The following BPIFB4 variants were observed in gnomAD, a reference collection of about 807,000 sequenced individuals.
BPIFB4 encodes the protein BPI fold containing family B member 4, also known as BPI fold-containing family B member 4.
In BPIFB4, 62 loss-of-function variants were observed where a neutral mutation model predicts 69.2. The observed-to-expected ratio is 0.90, with a 90% CI of 0.73 to 1.11. The LOEUF (loss-of-function observed/expected upper bound fraction) is 1.11, where lower values mean the gene tolerates loss of function less well. Among genes scored for constraint, BPIFB4 ranks in the 50% least tolerant of loss-of-function variants. The pLI, the probability that BPIFB4 is intolerant of heterozygous loss-of-function variation, is 0.00. For missense variants in BPIFB4, 789 were observed against 792.0 expected (o/e 1.00, Z 0.04); for synonymous variants, 330 against 332.7 (o/e 0.99, Z 0.09).
Position 33,092,437 on chromosome 20 carries a change from CT to C in BPIFB4, c.1144-18del. ...TCCATCTTCTCCCTCCCTGTGACCC[CT>C]TTCTTCTCTTCTCCCCCAGACGCTG... is the stretch of plus-strand genomic sequence containing the variant. On this transcript the variant is annotated intron_variant, in intron 10 of 17. Transcript: ENST00000375483. 1 of 1,600,292 alleles carries C rather than the reference CT, an allele frequency of 6.2e-7. No homozygotes were observed. Among genetic ancestry groups the C allele is most frequent in the Non-Finnish European group, 8.6e-7 (1 of 1,168,878 alleles).
intron 10 of BPIFB4, among the ~76,000 whole-genome samples, chr20:33,091,142 G>T (rs1468213082): frequency 6.6e-6 from 1 of 152,198 alleles, no homozygotes; most frequent in Non-Finnish European, 1.5e-5. Context: ...TGTGGACCTG[G>T]GGTCTGAACC....
chr20:33,103,633 C>A (rs971371904), intron 15 of BPIFB4, among the ~76,000 whole-genome samples: 26 of 141,446 alleles, frequency 1.8e-4, no homozygotes, highest in African/African-American at 6.5e-4. Flanking sequence ...CACCCCCCCA[C>A]CTCCGCTTTT....
In BPIFB4 at chr20:33,095,139, G is replaced by A. The variant is rs1371177532; in HGVS notation, c.1384G>A (p.Ala462Thr). 1.4e-5 allele frequency: 22 copies of A among 1,612,010 alleles called. No homozygotes were observed. The highest frequency in any genetic ancestry group is 8.8e-5 in the South Asian group (8 of 91,050). Residue 462 changes from alanine to threonine, a missense_variant, in exon 12 of 18, where the codon GCC becomes ACC. Transcript: ENST00000375483. ...TCCACTTACCACAGCCACACTGGGA[G>A]CCCTGATCCCCAAGGTATGTAAGGT... ...LPPLTTATLG[A>T]LIPKVFQQYP...
At chr20:33,092,787 C>A in intron 11 of BPIFB4, 129 bp downstream of exon 11, 2 of 841,792 alleles carry the variant, frequency 2.4e-6, no homozygotes, top group Non-Finnish European at 3.8e-6. Context: ...CCTTGACTCA[C>A]CTCCAGCTCA....
intron 3 of BPIFB4, among the ~76,000 whole-genome samples, chr20:33,082,436 C>A (rs182552709): frequency 1.3e-5 from 2 of 152,136 alleles, no homozygotes; most frequent in South Asian, 2.1e-4. Context: ...CCGTTTCAAG[C>A]GATTCTCCTG....
At chr20:33,105,479 G>A (rs1252055503) in intron 16 of BPIFB4, among the ~76,000 whole-genome samples, 2 of 152,180 alleles carry the variant, frequency 1.3e-5, no homozygotes, top group Admixed American at 1.3e-4. Flanking sequence ...AGAGTAGACT[G>A]AGCTTGCTTT....
chr20:33,108,161 G>A (rs1302371587), intron 17 of BPIFB4, among the ~76,000 whole-genome samples: 1 of 152,076 alleles, frequency 6.6e-6, no homozygotes, highest in African/African-American at 2.4e-5. Context: ...CACCTACTGT[G>A]TGCCAGGCAC....
At chr20:33,108,436 T>TATATATACACACACACAC (rs1271417747) in intron 17 of BPIFB4, among the ~76,000 whole-genome samples, 1 of 148,514 alleles carries the variant, frequency 6.7e-6, no homozygotes, top group African/African-American at 2.5e-5. Flanking sequence ...TATATATATA[T>TATATATACACACACACAC]AGACATATAT....
intron 12 of BPIFB4, among the ~76,000 whole-genome samples, chr20:33,096,557 G>A (rs1981760379): frequency 6.6e-6 from 1 of 152,206 alleles, no homozygotes; most frequent in South Asian, 2.1e-4. Flanking sequence ...GTACAGGCAT[G>A]AGCCACAGTG....
intron 13 of BPIFB4, among the ~76,000 whole-genome samples, chr20:33,098,652 C>T (rs564005535): frequency 2.7e-5 from 4 of 149,996 alleles, no homozygotes; most frequent in South Asian, 2.1e-4. Flanking sequence ...GGCTGAGGCA[C>T]GAGAATCGCT....
Position 33,103,025 on chromosome 20 carries a change from T to A in BPIFB4, c.1680+11T>A. 6.2e-7 allele frequency: 1 copy of A among 1,613,056 alleles called. No individual in the cohort carries two copies. Among genetic ancestry groups the A allele is most frequent in the Non-Finnish European group, 8.5e-7 (1 of 1,179,072 alleles). ...GTGGGCAACTTTGATGTAAGTACCA[T>A]GTTTAGTTCCCAGGGCAAGATCTTC... On this transcript the variant is annotated intron_variant, in intron 15 of 17. Transcript: ENST00000375483.
intron 7 of BPIFB4, among the ~76,000 whole-genome samples, chr20:33,087,919 C>A (rs1026402343): frequency 6.6e-6 from 1 of 152,104 alleles, no homozygotes; most frequent in Non-Finnish European, 1.5e-5. Flanking sequence ...TCAAGAAATT[C>A]TTTGCTTTGC....
intron 11 of BPIFB4, among the ~76,000 whole-genome samples, chr20:33,093,507 CCACCGT>C (rs1225839100): frequency 6.7e-6 from 1 of 150,232 alleles, no homozygotes; most frequent in East Asian, 2.0e-4. Flanking sequence ...ACCCACCCAT[CCACCGT>C]CAACTCATTC....
intron 15 of BPIFB4, among the ~76,000 whole-genome samples, chr20:33,103,796 G>A (rs1981971341): frequency 1.3e-5 from 2 of 152,306 alleles, no homozygotes; most frequent in South Asian, 4.1e-4. Flanking sequence ...GATCTTGCCA[G>A]CTTCATTTTA....
intron 13 of BPIFB4, among the ~76,000 whole-genome samples, chr20:33,099,266 AG>A (rs1981841196): frequency 1.3e-5 from 2 of 152,256 alleles, no homozygotes; most frequent in African/African-American, 4.8e-5. Flanking sequence ...TAGGTGCTCT[AG>A]GCTGGAGCAT....
At chr20:33,103,101 G>A in intron 15 of BPIFB4, 87 bp downstream of exon 15, 1 of 1,458,028 alleles carries the variant, frequency 6.9e-7, no homozygotes, top group Non-Finnish European at 9.6e-7. Flanking sequence ...CTGTGAGGCT[G>A]GCTGGGCATG....
chr20:33,087,245 C>G (rs71349706), intron 7 of BPIFB4, among the ~76,000 whole-genome samples: 1 of 152,310 alleles, frequency 6.6e-6, no homozygotes, highest in African/African-American at 2.4e-5. Flanking sequence ...CACAGGGCCT[C>G]CTCCTATCCC....
intron 14 of BPIFB4, among the ~76,000 whole-genome samples, chr20:33,101,076 CGAGGAG>C (rs1225985043): frequency 6.6e-6 from 1 of 151,630 alleles, no homozygotes; most frequent in Non-Finnish European, 1.5e-5. Context: ...AGGAGGAGGA[CGAGGAG>C]GAGGAGGAGG....
chr20:33,095,878 C>CAAAG (rs1348485490), intron 12 of BPIFB4, among the ~76,000 whole-genome samples: 1 of 152,154 alleles, frequency 6.6e-6, no homozygotes, highest in Non-Finnish European at 1.5e-5. Flanking sequence ...AGAGTTGGAA[C>CAAAG]AAAGGCCTTT....
Sources: gnomAD v4.1 joint callset for allele counts (sites outside exome capture counted in the v4.1 genomes callset) on GRCh38, gnomAD v4.1.1 for gene constraint, MANE v1.5 for transcripts, NCBI Gene and HGNC (gene_info 2026-07-23, HGNC 2026-07-21) for gene names.